CHST8: variants seen among roughly 807,000 people sequenced by gnomAD.
CHST8 encodes the protein GALNAC-4-ST1.
A neutral mutation model predicts 15.0 loss-of-function variants in CHST8; 10 were observed. That is an observed-to-expected ratio of 0.67 (90% CI 0.41 to 1.13). The LOEUF is 1.13. Among genes scored for constraint, CHST8 ranks in the 50% most tolerant of loss-of-function variants. CHST8 has a pLI of 0.00. For missense variants in CHST8, 634 were observed against 608.2 expected, an observed-to-expected ratio of 1.04 and a Z score of -0.45; for synonymous variants, 259 against 256.6, an observed-to-expected ratio of 1.01 and a Z score of -0.09.
At chr19:33,664,851 T>C in intron 1 of CHST8, among the ~76,000 whole-genome samples, 1 of 152,168 alleles carries the variant, frequency 6.6e-6, no homozygotes, top group East Asian at 1.9e-4. Context: ...ATAATGATAT[T>C]TATCTTTCTA....
chr19:33,730,809 A>G (rs1209593512), intron 3 of CHST8, among the ~76,000 whole-genome samples: 1 of 152,198 alleles, frequency 6.6e-6, no homozygotes, highest in Non-Finnish European at 1.5e-5. Flanking sequence ...AAAACTTCAA[A>G]AGTAGGGAAT....
intron 1 of CHST8, among the ~76,000 whole-genome samples, chr19:33,667,392 TG>T (rs1972678238): frequency 6.6e-6 from 1 of 152,136 alleles, no homozygotes; most frequent in South Asian, 2.1e-4. Flanking sequence ...TGGCTCTGTT[TG>T]GTAACATCGC....
chr19:33,728,542 C>T (rs1973942826), intron 3 of CHST8, among the ~76,000 whole-genome samples: 1 of 152,248 alleles, frequency 6.6e-6, no homozygotes, highest in Non-Finnish European at 1.5e-5. Flanking sequence ...AGTAACCATG[C>T]CCTGCAGGCC....
At position 33,673,757 on chromosome 19, in the gene CHST8, T is replaced by A. The variant is rs189217207; in HGVS notation, c.-87+5914T>A. On this transcript the variant is annotated intron_variant, in intron 2 of 4. Coordinates refer to ENST00000650847, the MANE Select transcript of CHST8 (RefSeq NM_001127895.2). ...TAGCTGAGACCCTTCTCCCACTTTT[T>A]TTTTATTTTTTATTTTGAGACAGTC... 3.2e-3 allele frequency among the ~76,000 whole-genome samples: 485 copies of A among 152,168 alleles called. 1 individual carries two copies. Among genetic ancestry groups the A allele is most frequent in the African/African-American group, 0.011 (448 of 41,520 alleles).
chr19:33,728,826 A>G (rs546598784), intron 3 of CHST8, among the ~76,000 whole-genome samples: 1 of 152,286 alleles, frequency 6.6e-6, no homozygotes, highest in East Asian at 1.9e-4. Flanking sequence ...AGCTGGGGTC[A>G]TCTGGGGAGA....
chr19:33,771,991 T>A lies in CHST8; in HGVS notation c.203T>A (p.Leu68Ter). 1 of 1,585,846 alleles carries A rather than the reference T, an allele frequency of 6.3e-7. No homozygotes were observed. The highest frequency in any genetic ancestry group is 1.4e-5 in the African/African-American group (1 of 73,460). ...LPPGGSQDGD[L>*]KEPTERVTRD... ...CCAGGCGGCTCCCAGGATGGTGACT[T>A]GAAGGAACCCACAGAGAGGGTCACT... Residue 68 changes from leucine (L) to a stop codon, truncating the protein, a stop_gained, in exon 5 of 5, where the codon TTG becomes TAG. Coordinates refer to ENST00000650847, the MANE Select transcript of CHST8 (RefSeq NM_001127895.2). LOFTEE classifies it low-confidence loss of function (END_TRUNC).
chr19:33,724,679 C>T (rs572676716), intron 3 of CHST8, among the ~76,000 whole-genome samples: 1 of 152,332 alleles, frequency 6.6e-6, no homozygotes, highest in African/African-American at 2.4e-5. Flanking sequence ...GGGCCCTGCC[C>T]CTGCCCCCTC....
chr19:33,755,596 G>T (rs1291650766), intron 3 of CHST8, among the ~76,000 whole-genome samples: 1 of 152,232 alleles, frequency 6.6e-6, no homozygotes, highest in East Asian at 1.9e-4. Context: ...CACAAGCCAG[G>T]CTTGTTTGTT....
intron 3 of CHST8, among the ~76,000 whole-genome samples, chr19:33,745,995 C>G (rs963549740): frequency 1.8e-4 from 27 of 152,192 alleles, no homozygotes; most frequent in African/African-American, 6.5e-4. Context: ...GGGGCGGAGA[C>G]AGTTTTTCCA....
intron 3 of CHST8, among the ~76,000 whole-genome samples, chr19:33,703,549 C>T (rs974843124): frequency 1.3e-5 from 2 of 152,208 alleles, no homozygotes; most frequent in Non-Finnish European, 2.9e-5. Flanking sequence ...GGGGCGGGCG[C>T]GGGCCCACAC....
At chr19:33,723,089 G>A (rs527707917) in intron 3 of CHST8, among the ~76,000 whole-genome samples, 40 of 152,178 alleles carry the variant, frequency 2.6e-4, no homozygotes, top group African/African-American at 9.4e-4. Flanking sequence ...CTCCCTATGC[G>A]TGATCCTGTG....
intron 3 of CHST8, among the ~76,000 whole-genome samples, chr19:33,715,917 AG>A (rs1248496117): frequency 2.0e-5 from 3 of 152,240 alleles, no homozygotes; most frequent in African/African-American, 7.2e-5. Context: ...GGAAGTCCAT[AG>A]AGGCTTTACA....
chr19:33,647,583 C>T (rs945874793), intron 1 of CHST8, among the ~76,000 whole-genome samples: 7 of 152,150 alleles, frequency 4.6e-5, no homozygotes, highest in Admixed American at 2.6e-4. Context: ...CGGTGACTCA[C>T]GCTTATAATC....
intron 1 of CHST8, among the ~76,000 whole-genome samples, chr19:33,666,013 C>T (rs116401589): frequency 0.01 from 1,543 of 152,328 alleles, 22 homozygotes; most frequent in African/African-American, 0.035. Context: ...GTGTCGGAAA[C>T]GGCTGTGCCC....
intron 1 of CHST8, among the ~76,000 whole-genome samples, chr19:33,637,961 A>G (rs1972227308): frequency 1.3e-5 from 2 of 151,676 alleles, no homozygotes; most frequent in South Asian, 4.2e-4. Flanking sequence ...AGATTCTCCA[A>G]GGCTGCCCTA....
At chr19:33,755,789 A>G (rs1974533415) in intron 3 of CHST8, among the ~76,000 whole-genome samples, 1 of 152,126 alleles carries the variant, frequency 6.6e-6, no homozygotes, top group Non-Finnish European at 1.5e-5. Flanking sequence ...AAGCAGGAAA[A>G]CAGCTCAGAT....
At position 33,757,402 on chromosome 19, in the gene CHST8, GAAA is replaced by G. The variant is rs1568358156; in HGVS notation, c.131-14010_131-14008del. Reference sequence around the variant, plus strand: ...CTCAAAAAAAGAAGAAAGAAAGAAAGAAAGAAAGAAAGAAAGAAAGAAAGAAAG... The same window carrying G: ...CTCAAAAAAAGAAGAAAGAAAGAAAGGAAAGAAAGAAAGAAAGAAAGAAAG... On this transcript the variant is annotated intron_variant, in intron 3 of 4. Coordinates refer to ENST00000650847, the MANE Select transcript of CHST8 (RefSeq NM_001127895.2). 5.9e-4 allele frequency among the ~76,000 whole-genome samples: 3 copies of G among 5,124 alleles called. 1 individual carries two copies. The highest frequency in any genetic ancestry group is 1.5e-3 in the African/African-American group (3 of 1,998). The allele number at this position is 5,124 out of a possible 152,430, so 3.4% of individuals were successfully genotyped here.
intron 3 of CHST8, among the ~76,000 whole-genome samples, chr19:33,733,702 C>T (rs1312949332): frequency 6.6e-6 from 1 of 152,180 alleles, no homozygotes; most frequent in African/African-American, 2.4e-5. Flanking sequence ...CATCCTAAAC[C>T]CCCTCTCTGC....
chr19:33,762,942 A>G (rs962331310), intron 3 of CHST8, among the ~76,000 whole-genome samples: 3 of 151,188 alleles, frequency 2.0e-5, no homozygotes, highest in Non-Finnish European at 4.4e-5. Context: ...GCTCACTGCA[A>G]TCTCTAACCT....
Sources: allele counts gnomAD v4.1 joint callset (sites outside exome capture counted in the v4.1 genomes callset), GRCh38; gene constraint gnomAD v4.1.1; transcripts MANE v1.5; gene names NCBI Gene and HGNC (gene_info 2026-07-23, HGNC 2026-07-21).